The following RBFOX1 variants were observed in gnomAD, a reference collection of about 807,000 sequenced individuals.
The protein encoded by RBFOX1 is RNA binding protein fox-1 homolog 1.
RBFOX1 carries 8 observed loss-of-function variants against 57.7 expected under a neutral mutation model. The ratio of observed to expected loss-of-function variants is 0.14; its 90% CI spans 0.08 to 0.25. The LOEUF (loss-of-function observed/expected upper bound fraction) is 0.25, where lower values mean the gene tolerates loss of function less well. Ranked by LOEUF, RBFOX1 falls within the 10% of genes least tolerant of loss-of-function variation. The pLI, the probability that RBFOX1 is intolerant of heterozygous loss-of-function variation, is 1.00. For synonymous variants in RBFOX1, 326 were observed against 222.4 expected, an observed-to-expected ratio of 1.47 and a Z score of -4.15; for missense variants, 611 against 548.5, an observed-to-expected ratio of 1.11 and a Z score of -1.14.
chr16:7,694,084 T>C (rs1345733450), intron 14 of RBFOX1, among the ~76,000 whole-genome samples: 1 of 152,208 alleles, frequency 6.6e-6, no homozygotes, highest in African/African-American at 2.4e-5. Context: ...TGGAGTTAAT[T>C]AAATGCCAAG....
intron 4 of RBFOX1, among the ~76,000 whole-genome samples, chr16:7,085,792 C>G (rs563959073): frequency 1.3e-5 from 2 of 152,156 alleles, no homozygotes; most frequent in East Asian, 1.9e-4. Context: ...GAACTTCTCC[C>G]AAGTAGGAGA....
chr16:5,830,481 G>A (rs913623256), intron 3 of RBFOX1, among the ~76,000 whole-genome samples: 1 of 151,914 alleles, frequency 6.6e-6, no homozygotes, highest in African/African-American at 2.4e-5. Flanking sequence ...TATAGAGGCC[G>A]GGACTGTGGG....
At chr16:7,414,196 C>T (rs1352486075) in intron 4 of RBFOX1, among the ~76,000 whole-genome samples, 3 of 152,174 alleles carry the variant, frequency 2.0e-5, no homozygotes, top group Non-Finnish European at 2.9e-5. Flanking sequence ...TTCCATGCAC[C>T]AAGATGGGAT....
intron 2 of RBFOX1, among the ~76,000 whole-genome samples, chr16:6,649,055 C>G (rs1187120963): frequency 6.6e-6 from 1 of 152,088 alleles, no homozygotes; most frequent in African/African-American, 2.4e-5. Context: ...TAACTTATTC[C>G]TCCTGTCTCA....
rs1240239103 is a variant in RBFOX1 at position 5,270,618 on chromosome 16, A to G, written c.219+30513A>G. 6.3e-5 allele frequency: 37 copies of G among 584,388 alleles called. No individual in the cohort carries two copies. In the East Asian group the frequency reaches 1.4e-3, roughly 21 times the overall value. 36.2% of individuals were successfully genotyped at this position (584,388 alleles called of 1,614,324 possible). A position where few individuals can be genotyped will look rare whatever the true frequency, so the allele number is the denominator to read the frequency against. ...GGTTTTACCAAAAAACGCAACAATCAGATACTGAAGACCTCTTATGCTCAG... is the reference window on the plus strand; with the variant it reads ...GGTTTTACCAAAAAACGCAACAATCGGATACTGAAGACCTCTTATGCTCAG... On this transcript the variant is annotated intron_variant, in intron 1 of 2. Transcript: ENST00000585867.
At chr16:6,588,660 AAAATGAGAAATG>A (rs2097665780) in intron 2 of RBFOX1, among the ~76,000 whole-genome samples, 2 of 152,220 alleles carry the variant, frequency 1.3e-5, no homozygotes, top group Non-Finnish European at 2.9e-5. Context: ...TGAAAAACAA[AAAATGAGAAATG>A]CACCTTCCTC....
At chr16:5,340,844 C>G (rs950351906) in intron 1 of RBFOX1, among the ~76,000 whole-genome samples, 3 of 152,118 alleles carry the variant, frequency 2.0e-5, no homozygotes, top group African/African-American at 4.8e-5. Flanking sequence ...GCACAACAGA[C>G]AAGTCCTACA....
intron 3 of RBFOX1, among the ~76,000 whole-genome samples, chr16:6,845,171 C>G (rs1224927252): frequency 6.6e-6 from 1 of 152,026 alleles, no homozygotes; most frequent in South Asian, 2.1e-4. Flanking sequence ...CACAGAAGCT[C>G]TTTAGTTTAA....
chr16:6,780,076 CATATTTATAT>C lies in RBFOX1; in HGVS notation c.-16+125439_-16+125448del, dbSNP rs1381347748. On this transcript the variant is annotated intron_variant, in intron 3 of 15. Coordinates refer to ENST00000550418, the MANE Select transcript of RBFOX1 (RefSeq NM_018723.4). The stretch of plus-strand genomic sequence containing the variant: ...ATTTATATATATTTATATATATTTA[CATATTTATAT>C]ATATTTATATATTTTTATATATTTA... Among the ~76,000 whole-genome samples, 20 of 4,330 alleles carry C rather than the reference CATATTTATAT, an allele frequency of 4.6e-3. 5 individuals are homozygous for C. Among genetic ancestry groups the C allele is most frequent in the Non-Finnish European group, 5.8e-3 (18 of 3,088 alleles). 2.8% of individuals were successfully genotyped at this position (4,330 alleles called of 152,430 possible).
chr16:6,877,361 T>C (rs1458442160), intron 3 of RBFOX1, among the ~76,000 whole-genome samples: 1 of 152,188 alleles, frequency 6.6e-6, no homozygotes, highest in African/African-American at 2.4e-5. Flanking sequence ...AACACAAAAA[T>C]GTAATTCTCT....
At chr16:7,217,740 C>T (rs1335118170) in intron 4 of RBFOX1, among the ~76,000 whole-genome samples, 4 of 152,126 alleles carry the variant, frequency 2.6e-5, no homozygotes, top group African/African-American at 7.2e-5. Context: ...TTATTTACAT[C>T]AGTAAAGATT....
At chr16:7,709,426 G>C in intron 15 of RBFOX1, 2 of 1,322,026 alleles carry the variant, frequency 1.5e-6, no homozygotes, top group East Asian at 2.6e-5. Context: ...ATCACTAACA[G>C]AATGCAGTGT....
chr16:6,786,482 C>T (rs2081982817), intron 3 of RBFOX1, among the ~76,000 whole-genome samples: 1 of 152,222 alleles, frequency 6.6e-6, no homozygotes, highest in South Asian at 2.1e-4. Flanking sequence ...CAACAAAGAG[C>T]TGTGTAGCCC....
At chr16:5,960,326 A>T (rs934361380) in intron 4 of RBFOX1, among the ~76,000 whole-genome samples, 1 of 152,332 alleles carries the variant, frequency 6.6e-6, no homozygotes, top group Non-Finnish European at 1.5e-5. Context: ...GGCTGAAAGA[A>T]GTTATTATTT....
Position 7,149,509 on chromosome 16 carries a change from C to G in RBFOX1, c.27+97411C>G, listed in dbSNP as rs1170618804. On this transcript the variant is annotated intron_variant, in intron 4 of 15. Transcript: ENST00000550418. The stretch of plus-strand genomic sequence containing the variant: ...TTTTTTTTTTTTTTTTTTTCCCCGA[C>G]AGGGTCTCATTCTATCACCCAGCTG... Among the ~76,000 whole-genome samples, 10 of 131,874 alleles carry G rather than the reference C, an allele frequency of 7.6e-5. No homozygotes were observed. In the East Asian group the frequency reaches 2.2e-3, roughly 29 times the overall value. The allele number at this position is 131,874 out of a possible 152,430, so 86.5% of individuals were successfully genotyped here.
At position 7,353,902 on chromosome 16, in the gene RBFOX1, C is replaced by G. The variant is rs970207086; in HGVS notation, c.28-164245C>G. ...TCTGGAATGTTCTAGAATTGTACAA[C>G]TATCACCACTTTCATACACAGTTGT... On this transcript the variant is annotated intron_variant, in intron 4 of 15. Transcript: ENST00000550418. 2.0e-5 allele frequency among the ~76,000 whole-genome samples: 3 copies of G among 152,294 alleles called. No homozygotes were observed. In the East Asian group the frequency reaches 5.8e-4, roughly 29 times the overall value.
At chr16:5,737,555 A>C (rs1437302479) in intron 3 of RBFOX1, among the ~76,000 whole-genome samples, 2 of 145,460 alleles carry the variant, frequency 1.4e-5, no homozygotes, top group African/African-American at 5.1e-5. Flanking sequence ...CTGTCCATGT[A>C]CTACAATTTT....
At chr16:6,563,313 A>T (rs1033605774) in intron 2 of RBFOX1, among the ~76,000 whole-genome samples, 1 of 152,158 alleles carries the variant, frequency 6.6e-6, no homozygotes, top group African/African-American at 2.4e-5. Context: ...AGAGCTTACA[A>T]TGGGCCAGGC....
In RBFOX1 at chr16:6,564,614, G is replaced by C. The variant is rs190211023; in HGVS notation, c.-63-89989G>C. On this transcript the variant is annotated intron_variant, in intron 2 of 15. Transcript: ENST00000550418. ...AAAAAGCTGAACTCTTGGAAGCAGA[G>C]AGTAGAAAGGTGGTTGGCAAGGTTT... 8.4e-4 allele frequency among the ~76,000 whole-genome samples: 128 copies of C among 152,252 alleles called. 1 individual carries two copies. Among genetic ancestry groups the C allele is most frequent in the African/African-American group, 2.9e-3 (122 of 41,552 alleles).
Sources: gnomAD v4.1 joint callset for allele counts (sites outside exome capture counted in the v4.1 genomes callset) on GRCh38, gnomAD v4.1.1 for gene constraint, MANE v1.5 for transcripts, NCBI Gene and HGNC (gene_info 2026-07-23, HGNC 2026-07-21) for gene names.